The following MYOCD variants were observed in gnomAD, a reference collection of about 807,000 sequenced individuals.
MYOCD encodes myocardin.
Under a neutral mutation model 96.1 loss-of-function variants are expected in MYOCD, and 32 were observed. The observed-to-expected ratio is 0.33, with a 90% CI of 0.25 to 0.45. The LOEUF (loss-of-function observed/expected upper bound fraction) is 0.45. Among genes scored for constraint, MYOCD ranks in the 20% least tolerant of loss-of-function variants. MYOCD has a pLI of 1.00. For synonymous variants in MYOCD, 469 were observed against 469.0 expected, an observed-to-expected ratio of 1.00 and a Z score of 0.00; for missense variants, 1,133 against 1,200.6, an observed-to-expected ratio of 0.94 and a Z score of 0.83.
chr17:12,705,257 T>A, intron 2 of MYOCD, 64 bp downstream of exon 2: 2 of 1,207,286 alleles, frequency 1.7e-6, no homozygotes, highest in Admixed American at 1.8e-5. Flanking sequence ...AGCTGGAAAG[T>A]GCCTCAGAGG....
At chr17:12,708,972 T>C (rs2031392996) in intron 2 of MYOCD, among the ~76,000 whole-genome samples, 2 of 152,198 alleles carry the variant, frequency 1.3e-5, no homozygotes, top group African/African-American at 2.4e-5. Context: ...CAAAAGTGTG[T>C]CGTGCGAAAA....
At chr17:12,749,842 T>G (rs1567598271) in intron 9 of MYOCD, among the ~76,000 whole-genome samples, 1 of 151,572 alleles carries the variant, frequency 6.6e-6, no homozygotes, top group Non-Finnish European at 1.5e-5. Flanking sequence ...GTTTAAAGTT[T>G]TTTGTTTGTT....
chr17:12,754,076 A>ATG lies in MYOCD; in HGVS notation c.2058+748_2058+749dup, dbSNP rs71144924. Among the ~76,000 whole-genome samples the ATG allele has an allele frequency of 1.0e-3, 151 of 147,430 alleles. 1 individual carries two copies. The highest frequency in any genetic ancestry group is 3.8e-3 in the South Asian group (18 of 4,708). On this transcript the variant is annotated intron_variant, in intron 10 of 13. Coordinates refer to ENST00000425538, the MANE Select transcript of MYOCD (RefSeq NM_001146312.3). The stretch of plus-strand genomic sequence containing the variant: ...AAAGCAAAGAGGTGTGTGTGTGTGT[A>ATG]TGTGTGTGTGTGTGTGTGTAGTTTG...
chr17:12,683,576 T>TACAC (rs2029929322), intron 1 of MYOCD, among the ~76,000 whole-genome samples: 1 of 152,036 alleles, frequency 6.6e-6, no homozygotes, highest in South Asian at 2.1e-4. Flanking sequence ...TACACACACA[T>TACAC]ACACATACAC....
intron 9 of MYOCD, among the ~76,000 whole-genome samples, chr17:12,750,788 A>G (rs896798321): frequency 6.6e-6 from 1 of 152,160 alleles, no homozygotes; most frequent in Non-Finnish European, 1.5e-5. Context: ...TATTCATTAG[A>G]TTTTCATTTC....
intron 1 of MYOCD, among the ~76,000 whole-genome samples, chr17:12,669,472 G>T (rs1909569437): frequency 6.6e-6 from 1 of 152,124 alleles, no homozygotes. Flanking sequence ...TAAAAATACA[G>T]AATGCTCAGT....
At position 12,753,095 on chromosome 17, in the gene MYOCD, G is replaced by T; in HGVS notation, c.1807G>T (p.Ala603Ser). 6.2e-7 allele frequency: 1 copy of T among 1,614,184 alleles called. No homozygotes were observed. The highest frequency in any genetic ancestry group is 8.5e-7 in the Non-Finnish European group (1 of 1,180,030). The change falls in exon 10 of 14, where the codon GCT (alanine) becomes TCT (serine). Residue 603 changes from alanine (A) to serine (S), a missense_variant. By Grantham distance (99) the Ala-to-Ser change is moderately conservative. Transcript: ENST00000425538. ...AGAGTGTCACCCACCGGCTTGTGAA[G>T]CTGCTCAACTCCAGCCTCTTGGAAA... ...SSECHPPACE[A>S]AQLQPLGNAH...
chr17:12,748,399 TAGG>T (rs1349565393), intron 9 of MYOCD, among the ~76,000 whole-genome samples: 4 of 152,038 alleles, frequency 2.6e-5, no homozygotes, highest in Non-Finnish European at 4.4e-5. Context: ...TCAGGAAAGG[TAGG>T]AGAAGTGGGT....
Position 12,739,329 on chromosome 17 carries a change from G to A in MYOCD, c.717+1G>A. The A allele has an allele frequency of 6.4e-7, 1 of 1,566,404 alleles. No individual in the cohort carries two copies. Among genetic ancestry groups the A allele is most frequent in the Non-Finnish European group, 8.6e-7 (1 of 1,158,098 alleles). On this transcript the variant is annotated splice_donor_variant, in intron 7 of 13. Coordinates refer to ENST00000425538, the MANE Select transcript of MYOCD (RefSeq NM_001146312.3). LOFTEE classifies it high-confidence loss of function. ...CATAGCCGTGCATGCTGCTGTAAAGGTACGGACACATCAGCCTCCAAGCCC... is the reference window on the plus strand; with the variant it reads ...CATAGCCGTGCATGCTGCTGTAAAGATACGGACACATCAGCCTCCAAGCCC...
intron 13 of MYOCD, chr17:12,761,604 C>G (rs2033175617): frequency 6.7e-6 from 1 of 149,976 alleles, no homozygotes; most frequent in South Asian, 2.1e-4. Flanking sequence ...CACACACACA[C>G]ACACACACAC....
Position 12,722,910 on chromosome 17 carries a change from A to T in MYOCD, c.317A>T (p.Asp106Val), listed in dbSNP as rs762850197. ...QMKLKRARLADDLNEKIALRP... is the reference protein window; with the variant it reads ...QMKLKRARLAVDLNEKIALRP... The stretch of plus-strand genomic sequence containing the variant: ...AAGCTGAAAAGAGCCCGACTCGCCG[A>T]TGATCTCAATGAAAAAATTGCTCTA... The change falls in exon 5 of 14, where the codon GAT becomes GTT. Residue 106 changes from aspartate (D) to valine (V), a missense_variant. By Grantham distance (152) the Asp-to-Val change is radical (BLOSUM62 -3). Coordinates refer to ENST00000425538, the MANE Select transcript of MYOCD (RefSeq NM_001146312.3). 1 of 1,613,964 alleles carries T rather than the reference A, an allele frequency of 6.2e-7. No homozygotes were observed. The highest frequency in any genetic ancestry group is 1.3e-5 in the African/African-American group (1 of 74,912).
chr17:12,691,456 T>C (rs1204952928), intron 1 of MYOCD, among the ~76,000 whole-genome samples: 2 of 152,068 alleles, frequency 1.3e-5, no homozygotes, highest in Non-Finnish European at 2.9e-5. Context: ...CCATCACCTG[T>C]GTTGGTCGGA....
rs1471736938 is a variant in MYOCD at position 12,756,545 on chromosome 17, T to C, written c.2190T>C (p.Cys730=). The C allele has an allele frequency of 6.4e-7, 1 of 1,551,052 alleles. No homozygotes were observed. Among genetic ancestry groups the C allele is most frequent in the East Asian group, 2.4e-5 (1 of 40,834 alleles). The change falls in exon 11 of 14, where the codon TGT becomes TGC. Residue 730 remains cysteine, a synonymous_variant. Transcript: ENST00000425538. ...GAAACCCTTGTCCCAAAAGCCCATG[T>C]GTACAGCAAAAGGTAGGCACCTGAA... ...AGGNPCPKSP[C]VQQKMAGLHS...
chr17:12,743,486 CTTTTTTTTTTTTT>C (rs373893604), intron 7 of MYOCD, among the ~76,000 whole-genome samples: 4 of 98,338 alleles, frequency 4.1e-5, no homozygotes, highest in African/African-American at 4.0e-5. Context: ...TATGAAAGTT[CTTTTTTTTTTTTT>C]TTTTTTTTTT....
chr17:12,755,656 G>A (rs985058266), intron 10 of MYOCD, among the ~76,000 whole-genome samples: 160 of 151,520 alleles, frequency 1.1e-3, no homozygotes, highest in Non-Finnish European at 1.7e-3. Flanking sequence ...GGTGGATCAC[G>A]AGGTCAGGAG....
intron 2 of MYOCD, among the ~76,000 whole-genome samples, chr17:12,711,063 T>G (rs1009091451): frequency 2.0e-5 from 3 of 152,212 alleles, no homozygotes; most frequent in African/African-American, 7.2e-5. Context: ...GAAAATGCAC[T>G]GTTTTCAGAC....
At chr17:12,678,544 G>C (rs942287687) in intron 1 of MYOCD, among the ~76,000 whole-genome samples, 1 of 152,100 alleles carries the variant, frequency 6.6e-6, no homozygotes, top group Non-Finnish European at 1.5e-5. Context: ...CAAAGAGAGA[G>C]AGAGAGAGAA....
chr17:12,741,533 C>T (rs1027866478), intron 7 of MYOCD, among the ~76,000 whole-genome samples: 3 of 152,056 alleles, frequency 2.0e-5, no homozygotes, highest in African/African-American at 7.2e-5. Context: ...TATGGTGAAA[C>T]CCCGTCTCTA....
chr17:12,758,112 G>A lies in MYOCD; in HGVS notation c.2230G>A (p.Val744Met). 6.2e-7 allele frequency: 1 copy of A among 1,614,008 alleles called. No individual in the cohort carries two copies. The highest frequency in any genetic ancestry group is 8.5e-7 in the Non-Finnish European group (1 of 1,179,960). ...KMAGLHSSDK[V>M]GPKFSIPSPT... ...GGCTGGTTTACACTCTTCTGATAAG[G>A]TGGGGCCAAAGTTTTCAATTCCATC... The change falls in exon 12 of 14, where the codon GTG becomes ATG. Residue 744 changes from valine to methionine, a missense_variant. Physicochemically the swap from Val to Met is conservative, Grantham distance 21 (BLOSUM62 1). Coordinates refer to ENST00000425538, the MANE Select transcript of MYOCD (RefSeq NM_001146312.3).
Sources: allele counts gnomAD v4.1 joint callset (sites outside exome capture counted in the v4.1 genomes callset), GRCh38; gene constraint gnomAD v4.1.1; transcripts MANE v1.5; gene names NCBI Gene and HGNC (gene_info 2026-07-23, HGNC 2026-07-21).